The following MYOM3 variants were observed in gnomAD, a reference collection of about 807,000 sequenced individuals.
MYOM3 encodes myomesin 3.
MYOM3 carries 155 observed loss-of-function variants against 191.7 expected under a neutral mutation model. The observed-to-expected ratio is 0.81, with a 90% confidence interval of 0.71 to 0.92. The LOEUF is 0.92. MYOM3 is among the 40% of genes least tolerant of loss of function. MYOM3 has a pLI of 0.00. For missense variants in MYOM3, 1,889 were observed against 1,890.6 expected (o/e 1.00, Z 0.02); for synonymous variants, 757 against 762.9 (o/e 0.99, Z 0.13).
intron 29 of MYOM3, 136 bp from the exon 30 acceptor site, chr1:24,064,295 G>A: frequency 1.6e-6 from 1 of 625,980 alleles, no homozygotes; most frequent in Non-Finnish European, 2.8e-6. Context: ...CTCCTCCCTG[G>A]GCCTCCATTT....
chr1:24,106,424 T>G (rs1029079295), intron 4 of MYOM3, among the ~76,000 whole-genome samples: 1 of 151,340 alleles, frequency 6.6e-6, no homozygotes, highest in Non-Finnish European at 1.5e-5. Context: ...GGGGAGGGAG[T>G]GTGGAGAGTG....
intron 23 of MYOM3, 72 bp from the exon 24 acceptor site, chr1:24,072,085 G>C: frequency 1.3e-6 from 2 of 1,493,108 alleles, no homozygotes; most frequent in Non-Finnish European, 1.9e-6. Flanking sequence ...GGGCCCACAG[G>C]AGCCGTCCTA....
chr1:24,105,506 C>A (rs1458174600), intron 5 of MYOM3, among the ~76,000 whole-genome samples: 1 of 152,256 alleles, frequency 6.6e-6, no homozygotes, highest in Admixed American at 6.5e-5. Flanking sequence ...GCAGCACCTG[C>A]CTTCTCATGA....
At chr1:24,082,756 C>A in intron 16 of MYOM3, 42 bp from the exon 17 acceptor site, 10 of 1,527,214 alleles carry the variant, frequency 6.5e-6, no homozygotes, top group Non-Finnish European at 8.8e-6. Context: ...TACAAACAGC[C>A]TGGAGACATT....
intron 14 of MYOM3, among the ~76,000 whole-genome samples, chr1:24,089,233 T>A (rs4649183): frequency 2.0e-5 from 3 of 152,076 alleles, no homozygotes; most frequent in South Asian, 2.1e-4. Flanking sequence ...GCCATCTGGC[T>A]TGGGGGCAGG....
chr1:24,088,612 C>G (rs1332783180), intron 14 of MYOM3, among the ~76,000 whole-genome samples: 4 of 152,184 alleles, frequency 2.6e-5, no homozygotes, highest in Admixed American at 2.6e-4. Flanking sequence ...AAAAGGATTA[C>G]CCATGAGTGT....
At chr1:24,100,242 G>A (rs1643902146) in intron 5 of MYOM3, among the ~76,000 whole-genome samples, 1 of 152,190 alleles carries the variant, frequency 6.6e-6, no homozygotes, top group East Asian at 1.9e-4. Flanking sequence ...AGCCTCAGTT[G>A]TCCTGACTCG....
Position 24,082,149 on chromosome 1 carries a change from C to T in MYOM3, c.2132G>A (p.Cys711Tyr). 6.2e-7 allele frequency: 1 copy of T among 1,613,278 alleles called. No homozygotes were observed. The highest frequency in any genetic ancestry group is 8.5e-7 in the Non-Finnish European group (1 of 1,179,708). ...CCCAATGACCATTTCATTCTTCCCG[C>T]AGTTCAGGAGGGCAAAGCCATATGG... ...SAPYGFALLN[C>Y]GKNEMVIGWK... The change falls in exon 18 of 37, where the codon TGC (cysteine) becomes TAC (tyrosine). Residue 711 changes from cysteine to tyrosine, a missense_variant. By Grantham distance (194) the Cys-to-Tyr change is radical. Transcript: ENST00000374434.
At chr1:24,082,855 G>A in intron 16 of MYOM3, 141 bp from the exon 17 acceptor site, 3 of 1,050,040 alleles carry the variant, frequency 2.9e-6, no homozygotes, top group Non-Finnish European at 3.9e-6. Flanking sequence ...TAAAAATATT[G>A]CCCTTGATCC....
In MYOM3 at chr1:24,093,927, C is replaced by T. The variant is rs529722909; in HGVS notation, c.929-819G>A. ...TCATGGATTGGGTAGGAGGTCCAGCCGTCGTCCTCCTCCCTCACTGGGCCA... is the reference window on the plus strand; with the variant it reads ...TCATGGATTGGGTAGGAGGTCCAGCTGTCGTCCTCCTCCCTCACTGGGCCA... On this transcript the variant is annotated intron_variant, in intron 9 of 36. Transcript: ENST00000374434. Among the ~76,000 whole-genome samples, 57 of 152,202 alleles carry T rather than the reference C, an allele frequency of 3.7e-4. 1 individual carries two copies. In the East Asian group the frequency reaches 9.1e-3, roughly 24 times the overall value.
rs1261648264 is a variant in MYOM3 at position 24,111,705 on chromosome 1, C to T, written c.-19+326G>A. ...TGGCTCCCGCTTATCGCTGCTCCATCACAGGAAAGACTCCAGTTCCCAGGG... is the reference window on the plus strand; with the variant it reads ...TGGCTCCCGCTTATCGCTGCTCCATTACAGGAAAGACTCCAGTTCCCAGGG... On this transcript the variant is annotated intron_variant, in intron 1 of 36. Transcript: ENST00000374434. The surrounding 1 kb of genome is among the most constrained non-coding windows in gnomAD (Gnocchi z 4.7). Among the ~76,000 whole-genome samples, 1 of 152,002 alleles carries T rather than the reference C, an allele frequency of 6.6e-6. No individual in the cohort carries two copies. Among genetic ancestry groups the T allele is most frequent in the Non-Finnish European group, 1.5e-5 (1 of 68,012 alleles).
chr1:24,065,367 C>T (rs969406822), intron 29 of MYOM3, among the ~76,000 whole-genome samples: 3 of 152,194 alleles, frequency 2.0e-5, no homozygotes, highest in Non-Finnish European at 4.4e-5. Context: ...CTTAACCAGG[C>T]CACGGTCCAC....
At chr1:24,058,086 C>T (rs781715406) in intron 36 of MYOM3, among the ~76,000 whole-genome samples, 26 of 152,158 alleles carry the variant, frequency 1.7e-4, no homozygotes, top group South Asian at 2.1e-4. Flanking sequence ...GGATTACAGG[C>T]GTGAGCCACT....
At chr1:24,101,332 G>C (rs1283467724) in intron 5 of MYOM3, among the ~76,000 whole-genome samples, 2 of 152,146 alleles carry the variant, frequency 1.3e-5, no homozygotes, top group Admixed American at 6.5e-5. Flanking sequence ...GCTTATTTAA[G>C]CCATTAAAAA....
At position 24,075,440 on chromosome 1, in the gene MYOM3, C is replaced by A; in HGVS notation, c.2737G>T (p.Gly913Cys). 1 of 1,599,720 alleles carries A rather than the reference C, an allele frequency of 6.3e-7. No individual in the cohort carries two copies. Among genetic ancestry groups the A allele is most frequent in the African/African-American group, 1.4e-5 (1 of 74,028 alleles). ...HEIEVGVDEE[G>C]FIYLAFEAPE... Reference sequence around the variant, plus strand: ...GCTTCAAAAGCCAAATAGATAAAGCCCTCTTCATCCACACCAACCTCGATC... The same window carrying A: ...GCTTCAAAAGCCAAATAGATAAAGCACTCTTCATCCACACCAACCTCGATC... The change falls in exon 22 of 37, where the codon GGC (glycine) becomes TGC (cysteine). Residue 913 changes from glycine (G) to cysteine (C), a missense_variant. Transcript: ENST00000374434.
Position 24,090,112 on chromosome 1 carries a change from G to A in MYOM3, c.1439C>T (p.Pro480Leu), listed in dbSNP as rs752583370. 1.8e-5 allele frequency: 29 copies of A among 1,613,798 alleles called. No homozygotes were observed. The highest frequency in any genetic ancestry group is 2.1e-5 in the Non-Finnish European group (25 of 1,179,852). The change falls in exon 13 of 37, where the codon CCC (proline) becomes CTC (leucine). Residue 480 changes from proline to leucine, a missense_variant. By Grantham distance (98) the Pro-to-Leu change is moderately conservative. Transcript: ENST00000374434. ...HDAARRKTEI[P>L]FDLGNKITIS... ...GGTGATCTTGTTTCCCAGATCAAAG[G>A]GGATCTCTAGGATGAGAAGGGAGCA...
At chr1:24,102,709 G>A (rs535712520) in intron 5 of MYOM3, among the ~76,000 whole-genome samples, 23 of 152,170 alleles carry the variant, frequency 1.5e-4, no homozygotes, top group African/African-American at 5.3e-4. Flanking sequence ...AGCCAGGTGT[G>A]GGGGCACATG....
chr1:24,095,496 C>G lies in MYOM3; in HGVS notation c.746-10G>C. The G allele has an allele frequency of 6.2e-7, 1 of 1,611,972 alleles. No homozygotes were observed. The highest frequency in any genetic ancestry group is 1.1e-5 in the South Asian group (1 of 90,822). On this transcript the variant is annotated splice_polypyrimidine_tract_variant and intron_variant, in intron 7 of 36. Transcript: ENST00000374434. ...TCCTTCCCCAGGTAAGCTGAAAAAC[C>G]AAAGGCAAACAGAGTTGGAGAAGGT...
In MYOM3 at chr1:24,089,519, G is replaced by A. The variant is rs1421952904; in HGVS notation, c.1614+19C>T. 5 of 1,588,588 alleles carry A rather than the reference G, an allele frequency of 3.1e-6. No individual in the cohort carries two copies. The South Asian group carries it at 5.7e-5, about 18-fold the overall frequency. Reference sequence around the variant, plus strand: ...TGTTTCTCAGGCTGGCCTGGGGCTGGGGCCTCGGGGTTCCCTACCTTCTCC... The same window carrying A: ...TGTTTCTCAGGCTGGCCTGGGGCTGAGGCCTCGGGGTTCCCTACCTTCTCC... On this transcript the variant is annotated intron_variant, in intron 14 of 36. Transcript: ENST00000374434.
Sources: gnomAD v4.1 joint callset for allele counts (sites outside exome capture counted in the v4.1 genomes callset) on GRCh38, gnomAD v4.1.1 for gene constraint, Gnocchi (gnomAD v3.1) non-coding constraint, MANE v1.5 for transcripts, NCBI Gene and HGNC (gene_info 2026-07-23, HGNC 2026-07-21) for gene names.